SLC71A2: variants seen among roughly 807,000 people sequenced by gnomAD.
SLC71A2 encodes solute carrier family 71 member 2.
At chr9:94,402,040 G>A in the SLC71A2 span, among the ~76,000 whole-genome samples, 25 of 152,280 alleles carry the variant, frequency 1.6e-4, no homozygotes, top group African/African-American at 6.0e-4. Context: ...ACGATGACCA[G>A]AGATCACTCT....
chr9:94,458,531 T>C, the SLC71A2 span: 1 of 1,475,426 alleles, frequency 6.8e-7, no homozygotes, highest in Admixed American at 1.8e-5. Context: ...TCTTGTGACC[T>C]TAAATTTGGA....
At chr9:94,442,679 C>A in the SLC71A2 span, among the ~76,000 whole-genome samples, 1 of 146,648 alleles carries the variant, frequency 6.8e-6, no homozygotes, top group African/African-American at 2.6e-5. Context: ...GGTGAAACCC[C>A]GTCTCTACTA....
the SLC71A2 span, among the ~76,000 whole-genome samples, chr9:94,427,430 C>T: frequency 6.6e-6 from 1 of 151,732 alleles, no homozygotes; most frequent in East Asian, 1.9e-4. Context: ...ATTTAGTGTG[C>T]AACTCATTAA....
the SLC71A2 span, among the ~76,000 whole-genome samples, chr9:94,452,826 A>G: frequency 1.5e-4 from 23 of 151,310 alleles, no homozygotes; most frequent in African/African-American, 4.4e-4. Flanking sequence ...TAAATACAGT[A>G]CCAGAAAAGA....
At chr9:94,428,819 A>G in the SLC71A2 span, among the ~76,000 whole-genome samples, 2 of 151,790 alleles carry the variant, frequency 1.3e-5, no homozygotes, top group African/African-American at 2.4e-5. Context: ...TGCTCTGCCT[A>G]TTCATCCCTC....
At chr9:94,416,809 G>A in the SLC71A2 span, among the ~76,000 whole-genome samples, 5 of 150,750 alleles carry the variant, frequency 3.3e-5, no homozygotes, top group East Asian at 7.8e-4. Flanking sequence ...AGCTGAGATC[G>A]TGCCATTGCA....
At chr9:94,391,287 T>TGGGAGGTTGA in the SLC71A2 span, among the ~76,000 whole-genome samples, 1 of 147,744 alleles carries the variant, frequency 6.8e-6, no homozygotes, top group African/African-American at 2.5e-5. Context: ...CACTTGAGCC[T>TGGGAGGTTGA]GGGAGGTTGA....
At chr9:94,394,057 A>T in the SLC71A2 span, among the ~76,000 whole-genome samples, 1 of 149,044 alleles carries the variant, frequency 6.7e-6, no homozygotes, top group Non-Finnish European at 1.5e-5. Context: ...AATAAAAAAA[A>T]AATCTTGGTA....
At chr9:94,431,442 T>C in the SLC71A2 span, among the ~76,000 whole-genome samples, 1 of 151,798 alleles carries the variant, frequency 6.6e-6, no homozygotes, top group Non-Finnish European at 1.5e-5. Context: ...ATTTATTATT[T>C]GCCTGTTTTC....
At chr9:94,402,784 C>T in the SLC71A2 span, among the ~76,000 whole-genome samples, 1 of 152,148 alleles carries the variant, frequency 6.6e-6, no homozygotes, top group African/African-American at 2.4e-5. Context: ...ACCATGTGAC[C>T]AAGTTCACTT....
At chr9:94,408,257 G>A in the SLC71A2 span, among the ~76,000 whole-genome samples, 271 of 152,278 alleles carry the variant, frequency 1.8e-3, 2 homozygotes, top group Non-Finnish European at 3.4e-3. Context: ...AGTCTAAAGC[G>A]ACTTTCAAGT....
chr9:94,392,127 A>G, the SLC71A2 span, among the ~76,000 whole-genome samples: 1 of 151,324 alleles, frequency 6.6e-6, no homozygotes, highest in African/African-American at 2.4e-5. Context: ...GGTTATTTGT[A>G]TCAAAGTTGT....
the SLC71A2 span, among the ~76,000 whole-genome samples, chr9:94,435,680 G>A: frequency 1.8e-5 from 2 of 113,588 alleles, no homozygotes; most frequent in African/African-American, 6.8e-5. Context: ...TTGAGATGGA[G>A]TTTTGCTCTT....
the SLC71A2 span, among the ~76,000 whole-genome samples, chr9:94,381,635 G>A: frequency 4.6e-5 from 7 of 152,054 alleles, no homozygotes; most frequent in Non-Finnish European, 1.0e-4. Flanking sequence ...AAGTAAATAG[G>A]AGTGAAATGG....
chr9:94,458,386 T>C, the SLC71A2 span: 1 of 1,614,102 alleles, frequency 6.2e-7, no homozygotes, highest in Non-Finnish European at 8.5e-7. Flanking sequence ...CAGCACTGTA[T>C]GGCTTCATAT....
At chr9:94,455,156 C>CTTTTTTTTTT in the SLC71A2 span, among the ~76,000 whole-genome samples, 8 of 27,684 alleles carry the variant, frequency 2.9e-4, 1 homozygote, top group Admixed American at 5.3e-4. Context: ...TTGCTCTTTC[C>CTTTTTTTTTT]TTTTTTTTTT....
chr9:94,398,189 A>C, the SLC71A2 span, among the ~76,000 whole-genome samples: 1 of 150,906 alleles, frequency 6.6e-6, no homozygotes, highest in Non-Finnish European at 1.5e-5. Flanking sequence ...AGCATTGGCC[A>C]TTGGGAGTGC....
chr9:94,458,039 A>G, the SLC71A2 span, among the ~76,000 whole-genome samples: 1 of 152,226 alleles, frequency 6.6e-6, no homozygotes, highest in Non-Finnish European at 1.5e-5. Flanking sequence ...AGAGCAGGGA[A>G]ATCTCAGTTG....
At chr9:94,456,409 T>C in the SLC71A2 span, 2 of 1,215,130 alleles carry the variant, frequency 1.6e-6, no homozygotes, top group Non-Finnish European at 2.4e-6. Flanking sequence ...GGAGCAGCTC[T>C]GAGTTCTCCC....
Sources: allele counts gnomAD v4.1 joint callset (sites outside exome capture counted in the v4.1 genomes callset), GRCh38; gene constraint gnomAD v4.1.1; transcripts MANE v1.5; gene names NCBI Gene and HGNC (gene_info 2026-07-23, HGNC 2026-07-21).